TRPM7: variants seen among roughly 807,000 people sequenced by gnomAD.
TRPM7 encodes LTRPC ion channel family member 7.
In TRPM7, 134 loss-of-function variants were observed where a neutral mutation model predicts 229.7. That is an observed-to-expected ratio of 0.58 (90% CI 0.51 to 0.67). The LOEUF (loss-of-function observed/expected upper bound fraction) is 0.67, where lower values mean the gene tolerates loss of function less well. Ranked by LOEUF, TRPM7 falls within the 30% of genes least tolerant of loss-of-function variation. The pLI is 0.00. For missense variants in TRPM7, 1,901 were observed against 2,210.0 expected (o/e 0.86, Z 2.80); for synonymous variants, 699 against 715.2 (o/e 0.98, Z 0.36).
chr15:50,578,690 A>C (rs751599105), intron 30 of TRPM7, 26 bp from the exon 31 acceptor site: 2 of 1,578,224 alleles, frequency 1.3e-6, no homozygotes, highest in Non-Finnish European at 8.6e-7. Flanking sequence ...AAAATATAGT[A>C]TAAGCTGTGC....
chr15:50,588,039 T>C (rs2059387706), intron 27 of TRPM7, among the ~76,000 whole-genome samples: 1 of 152,166 alleles, frequency 6.6e-6, no homozygotes, highest in South Asian at 2.1e-4. Flanking sequence ...GCTCTCAGTC[T>C]AAATATGCCA....
intron 11 of TRPM7, among the ~76,000 whole-genome samples, chr15:50,625,536 G>A (rs77707869): frequency 0.035 from 5,340 of 151,942 alleles, 310 homozygotes; most frequent in African/African-American, 0.12. Flanking sequence ...AGCCTCCCAC[G>A]TAGCTAAGAA....
At chr15:50,666,225 C>A (rs1031447705) in intron 1 of TRPM7, among the ~76,000 whole-genome samples, 1 of 152,036 alleles carries the variant, frequency 6.6e-6, no homozygotes, top group Admixed American at 6.6e-5. Context: ...TCACTTGAGT[C>A]CAGGAGTTTG....
chr15:50,613,530 A>T (rs996844888), intron 15 of TRPM7, among the ~76,000 whole-genome samples, 177 bp downstream of exon 15: 4 of 150,684 alleles, frequency 2.7e-5, no homozygotes, highest in African/African-American at 9.7e-5. Context: ...AAAAAGGAAC[A>T]GAATCATTAA....
intron 4 of TRPM7, among the ~76,000 whole-genome samples, chr15:50,646,110 CAAAA>C (rs67338843): frequency 2.6e-5 from 3 of 116,546 alleles, no homozygotes; most frequent in Admixed American, 8.5e-5. Flanking sequence ...GAGCGAGTCT[CAAAA>C]AAAAAAAAAA....
chr15:50,640,113 G>C (rs2061046695), intron 5 of TRPM7, among the ~76,000 whole-genome samples: 1 of 151,854 alleles, frequency 6.6e-6, no homozygotes, highest in African/African-American at 2.4e-5. Context: ...TTTTATTATT[G>C]CTCTACACAT....
At chr15:50,618,569 CAATAAATAAATAAATA>C (rs112152993) in intron 13 of TRPM7, among the ~76,000 whole-genome samples, 15,776 of 141,978 alleles carry the variant, frequency 0.11, 911 homozygotes, top group African/African-American at 0.14. Context: ...GATTCCGTCT[CAATAAATAAATAAATA>C]AATAAATAAA....
intron 36 of TRPM7, among the ~76,000 whole-genome samples, 170 bp downstream of exon 36, chr15:50,574,104 T>C (rs2054023246): frequency 2.0e-5 from 3 of 152,168 alleles, no homozygotes; most frequent in Admixed American, 1.3e-4. Flanking sequence ...CCAGATTCTA[T>C]TACTCAAGGC....
At chr15:50,567,481 CCTAATA>C (rs1434314171) in intron 38 of TRPM7, among the ~76,000 whole-genome samples, 2 of 152,008 alleles carry the variant, frequency 1.3e-5, no homozygotes, top group African/African-American at 2.4e-5. Context: ...TAAGTATTAT[CCTAATA>C]CTAAAAGAAA....
chr15:50,618,548 C>T (rs1012184348), intron 13 of TRPM7, among the ~76,000 whole-genome samples: 20 of 149,346 alleles, frequency 1.3e-4, no homozygotes, highest in Admixed American at 2.0e-4. Context: ...CCAGCCTGGG[C>T]GACAGAGCAA....
chr15:50,575,565 T>A (rs778175983), intron 33 of TRPM7, among the ~76,000 whole-genome samples, 159 bp downstream of exon 33: 1 of 152,232 alleles, frequency 6.6e-6, no homozygotes, highest in African/African-American at 2.4e-5. Flanking sequence ...CTTCCCTTCT[T>A]CTATTCAAAC....
intron 12 of TRPM7, among the ~76,000 whole-genome samples, chr15:50,621,301 G>A (rs2140553212): frequency 6.6e-6 from 1 of 152,158 alleles, no homozygotes; most frequent in African/African-American, 2.4e-5. Context: ...CATATTTTGG[G>A]GGTATTGGGG....
chr15:50,623,916 G>A (rs1208420205), intron 12 of TRPM7, among the ~76,000 whole-genome samples: 2 of 152,134 alleles, frequency 1.3e-5, no homozygotes, highest in East Asian at 3.9e-4. Flanking sequence ...GGGAGGGAAA[G>A]GGAAATACAC....
intron 10 of TRPM7, among the ~76,000 whole-genome samples, chr15:50,629,461 T>C (rs564355101): frequency 1.3e-5 from 2 of 149,562 alleles, no homozygotes; most frequent in Non-Finnish European, 3.0e-5. Context: ...TTTGTAGAGA[T>C]AGGGTTTTGC....
intron 38 of TRPM7, among the ~76,000 whole-genome samples, chr15:50,569,032 G>C (rs575002899): frequency 1.3e-5 from 2 of 150,402 alleles, no homozygotes; most frequent in South Asian, 4.2e-4. Flanking sequence ...GTGGGCCCCA[G>C]ACATGTGTAA....
chr15:50,665,393 TAAA>T (rs5812523), intron 1 of TRPM7, among the ~76,000 whole-genome samples: 6 of 135,732 alleles, frequency 4.4e-5, no homozygotes, highest in Non-Finnish European at 3.2e-5. Flanking sequence ...AAACTCTGTC[TAAA>T]AAAAAAAAAA....
chr15:50,615,145 A>T (rs1261947003), intron 13 of TRPM7, among the ~76,000 whole-genome samples: 1 of 145,620 alleles, frequency 6.9e-6, no homozygotes, highest in Non-Finnish European at 1.5e-5. Flanking sequence ...CCTGAGCGAC[A>T]AGAGCGAGAC....
At chr15:50,673,207 C>CAGG (rs1411117594) in intron 1 of TRPM7, among the ~76,000 whole-genome samples, 4 of 152,240 alleles carry the variant, frequency 2.6e-5, no homozygotes, top group Admixed American at 2.6e-4. Flanking sequence ...GAACAACTTC[C>CAGG]AGGTCCACAA....
chr15:50,636,094 T>G (rs886687262), intron 7 of TRPM7, among the ~76,000 whole-genome samples: 3 of 145,348 alleles, frequency 2.1e-5, no homozygotes, highest in Non-Finnish European at 4.5e-5. Flanking sequence ...ATAAAATTAG[T>G]GAAGAATATG....
Sources: allele counts gnomAD v4.1 joint callset (sites outside exome capture counted in the v4.1 genomes callset), GRCh38; gene constraint gnomAD v4.1.1; transcripts MANE v1.5; gene names NCBI Gene and HGNC (gene_info 2026-07-23, HGNC 2026-07-21).